The following CNBD1 variants were observed in gnomAD, a reference collection of about 807,000 sequenced individuals.
The protein encoded by CNBD1 is cyclic nucleotide binding domain containing 1, also known as cyclic nucleotide-binding domain-containing protein 1.
CNBD1 carries 71 observed loss-of-function variants against 54.4 expected under a neutral mutation model. The ratio of observed to expected loss-of-function variants is 1.30; its 90% CI spans 1.08 to 1.59. The LOEUF (loss-of-function observed/expected upper bound fraction) is 1.59. CNBD1 is among the 40% of genes most tolerant of loss of function. CNBD1 has a pLI of 0.00. For missense variants in CNBD1, 659 were observed against 518.0 expected, an observed-to-expected ratio of 1.27 and a Z score of -2.64; for synonymous variants, 182 against 170.7, an observed-to-expected ratio of 1.07 and a Z score of -0.51.
intron 2 of CNBD1, among the ~76,000 whole-genome samples, chr8:86,895,179 G>C (rs947748465): frequency 6.6e-6 from 1 of 151,950 alleles, no homozygotes; most frequent in East Asian, 1.9e-4. Context: ...ATTTTGGGGG[G>C]CACATTTAAA....
chr8:87,132,369 C>A (rs1210087629), intron 4 of CNBD1, among the ~76,000 whole-genome samples: 3 of 151,436 alleles, frequency 2.0e-5, no homozygotes, highest in African/African-American at 7.3e-5. Context: ...CTTGTTAATT[C>A]ATTTGACTTT....
At chr8:87,391,150 GATAATTGGTGCA>G in intron 2 of CNBD1, among the ~76,000 whole-genome samples, 1 of 151,978 alleles carries the variant, frequency 6.6e-6, no homozygotes. Context: ...TAAATGAAGA[GATAATTGGTGCA>G]GCACAACAAC....
chr8:87,385,485 C>T (rs928465359), downstream of CNBD1, among the ~76,000 whole-genome samples: 18 of 152,046 alleles, frequency 1.2e-4, no homozygotes, highest in African/African-American at 2.2e-4. Context: ...GCACATGTCT[C>T]GGAGGGTCCT....
At position 87,423,201 on chromosome 8, in the gene CNBD1, T is replaced by C. The variant is rs537774890; in HGVS notation, c.214-5345T>C. On this transcript the variant is annotated intron_variant, in intron 2 of 7. Coordinates refer to the CNBD1 transcript ENST00000521593. ...CTGAGACGATGGGGTTTTCTAGATA[T>C]ACATTCATGTCATCTGCAAACAGGG... 1.5e-4 allele frequency among the ~76,000 whole-genome samples: 23 copies of C among 152,302 alleles called. No individual in the cohort carries two copies. The South Asian group carries it at 3.3e-3, about 22-fold the overall frequency.
intron 10 of CNBD1, among the ~76,000 whole-genome samples, chr8:87,371,383 T>C (rs1415700926): frequency 6.6e-6 from 1 of 152,096 alleles, no homozygotes; most frequent in Non-Finnish European, 1.5e-5. Flanking sequence ...TTCCATTTGT[T>C]TGTATCCTCT....
intron 4 of CNBD1, among the ~76,000 whole-genome samples, chr8:87,204,135 T>G (rs994078445): frequency 6.6e-6 from 1 of 152,208 alleles, no homozygotes; most frequent in African/African-American, 2.4e-5. Flanking sequence ...GCAAGTTCAA[T>G]GAGTCAAAAC....
rs534939980 is a variant in CNBD1, at chr8:86,902,282, T to C, written c.159-2799T>C. 5.9e-5 allele frequency among the ~76,000 whole-genome samples: 9 copies of C among 152,220 alleles called. No individual in the cohort carries two copies. In the South Asian group the frequency reaches 1.7e-3, roughly 28 times the overall value. ...CATTGGGTGTCAGAGCTTTAATATA[T>C]ACCTTTTTGGGAGTTGGGGGGGGAG... On this transcript the variant is annotated intron_variant, in intron 2 of 10. Coordinates refer to ENST00000518476, the MANE Select transcript of CNBD1 (RefSeq NM_173538.3).
chr8:87,164,953 T>A (rs1812930957), intron 4 of CNBD1, among the ~76,000 whole-genome samples: 1 of 151,902 alleles, frequency 6.6e-6, no homozygotes. Context: ...TTGCTGCATC[T>A]TATAAGTTTG....
At chr8:87,235,577 A>G (rs1440194042) in intron 5 of CNBD1, among the ~76,000 whole-genome samples, 1 of 152,160 alleles carries the variant, frequency 6.6e-6, no homozygotes, top group Non-Finnish European at 1.5e-5. Context: ...ACATTTACCA[A>G]TTAAGTTCAT....
intron 6 of CNBD1, among the ~76,000 whole-genome samples, chr8:87,255,996 TATATATATATATATA>T (rs1317366714): frequency 2.0e-3 from 30 of 15,238 alleles, no homozygotes; most frequent in African/African-American, 7.7e-3. Context: ...TATATATATA[TATATATATATATATA>T]TATATTTTTT....
At chr8:87,368,044 C>T (rs372492272) in intron 10 of CNBD1, among the ~76,000 whole-genome samples, 1 of 151,948 alleles carries the variant, frequency 6.6e-6, no homozygotes, top group African/African-American at 2.4e-5. Context: ...CACCTGTAGT[C>T]GCAGCTACTC....
chr8:87,313,237 C>T (rs112271332), intron 8 of CNBD1, among the ~76,000 whole-genome samples: 53 of 152,002 alleles, frequency 3.5e-4, no homozygotes, highest in African/African-American at 1.2e-3. Flanking sequence ...GTTGGACAAA[C>T]GTTGTTTTAG....
At chr8:87,058,209 A>G (rs918724118) in intron 4 of CNBD1, among the ~76,000 whole-genome samples, 2 of 152,220 alleles carry the variant, frequency 1.3e-5, no homozygotes, top group African/African-American at 4.8e-5. Flanking sequence ...TGCTGAGGCA[A>G]GAGGTGGGCT....
chr8:87,334,404 T>C (rs1028746042), intron 8 of CNBD1, among the ~76,000 whole-genome samples: 29 of 152,130 alleles, frequency 1.9e-4, no homozygotes, highest in African/African-American at 6.8e-4. Context: ...CTCAGTCATT[T>C]CCTGTCTCCT....
intron 6 of CNBD1, among the ~76,000 whole-genome samples, chr8:87,261,386 T>G (rs1301239505): frequency 6.6e-6 from 1 of 152,028 alleles, no homozygotes; most frequent in Non-Finnish European, 1.5e-5. Flanking sequence ...ACACCATCTG[T>G]TAGAAGAAAA....
intron 6 of CNBD1, among the ~76,000 whole-genome samples, chr8:87,271,101 G>A (rs1808354007): frequency 6.6e-6 from 1 of 151,624 alleles, no homozygotes; most frequent in Non-Finnish European, 1.5e-5. Context: ...CTGTATCTCT[G>A]TGATCTCAGT....
chr8:87,145,299 T>A (rs912554931), intron 4 of CNBD1, among the ~76,000 whole-genome samples: 1 of 152,110 alleles, frequency 6.6e-6, no homozygotes, highest in Non-Finnish European at 1.5e-5. Context: ...ATCTTTCAAA[T>A]ATGAAGAAAA....
intron 4 of CNBD1, among the ~76,000 whole-genome samples, chr8:87,160,553 A>G (rs768328006): frequency 1.3e-5 from 2 of 152,162 alleles, no homozygotes; most frequent in Non-Finnish European, 2.9e-5. Context: ...TTTGGCAACA[A>G]CATAAAACAA....
chr8:86,899,809 A>G (rs1171044944), intron 2 of CNBD1, among the ~76,000 whole-genome samples: 1 of 152,156 alleles, frequency 6.6e-6, no homozygotes, highest in African/African-American at 2.4e-5. Flanking sequence ...ATCTCTTCCT[A>G]GGGTCAGTGT....
Sources: gnomAD v4.1 joint callset for allele counts (sites outside exome capture counted in the v4.1 genomes callset) on GRCh38, gnomAD v4.1.1 for gene constraint, MANE v1.5 for transcripts, NCBI Gene and HGNC (gene_info 2026-07-23, HGNC 2026-07-21) for gene names.